The following RALYL variants were observed in gnomAD, a reference collection of about 807,000 sequenced individuals.
RALYL encodes RNA-binding Raly-like protein.
Under a neutral mutation model 35.1 loss-of-function variants are expected in RALYL, and 29 were observed. That is an observed-to-expected ratio of 0.83 (90% CI 0.61 to 1.13). The LOEUF is 1.13. RALYL is among the 50% of genes most tolerant of loss of function. RALYL has a pLI of 0.00. For synonymous variants in RALYL, 120 were observed against 127.6 expected, an observed-to-expected ratio of 0.94 and a Z score of 0.40; for missense variants, 359 against 360.4, an observed-to-expected ratio of 1.00 and a Z score of 0.03.
At chr8:84,617,291 T>C (rs1409123931) in intron 2 of RALYL, among the ~76,000 whole-genome samples, 1 of 151,784 alleles carries the variant, frequency 6.6e-6, no homozygotes, top group Admixed American at 6.5e-5. Flanking sequence ...GTAGTTCTCC[T>C]GCAAGAGGTC....
intron 2 of RALYL, among the ~76,000 whole-genome samples, chr8:84,547,681 G>GT (rs11402479): frequency 0.37 from 56,507 of 151,984 alleles, 10,610 homozygotes; most frequent in South Asian, 0.51. Flanking sequence ...ACTCAGCCAA[G>GT]TTTTTTCCTT....
chr8:84,612,198 A>G (rs1174090095), intron 2 of RALYL, among the ~76,000 whole-genome samples: 3 of 151,950 alleles, frequency 2.0e-5, no homozygotes, highest in African/African-American at 7.2e-5. Flanking sequence ...TTATTTCTTC[A>G]TAACTTCTGG....
intron 2 of RALYL, among the ~76,000 whole-genome samples, chr8:84,716,914 G>T (rs1843024339): frequency 6.6e-6 from 1 of 152,146 alleles, no homozygotes; most frequent in African/African-American, 2.4e-5. Flanking sequence ...CAAAATACAA[G>T]AAATTGTAGC....
At chr8:84,495,990 G>T (rs1310312052) in intron 1 of RALYL, among the ~76,000 whole-genome samples, 6 of 151,804 alleles carry the variant, frequency 4.0e-5, no homozygotes, top group Non-Finnish European at 7.4e-5. Context: ...TCTTTTATTT[G>T]TAAAATATTT....
chr8:84,766,391 C>T (rs117275438), intron 2 of RALYL, among the ~76,000 whole-genome samples: 110 of 151,920 alleles, frequency 7.2e-4, no homozygotes, highest in Middle Eastern at 3.4e-3. Flanking sequence ...ATTTGTTTCA[C>T]GATACCTAAT....
intron 4 of RALYL, among the ~76,000 whole-genome samples, chr8:84,833,476 A>G (rs7017762): frequency 0.4 from 59,982 of 151,486 alleles, 12,318 homozygotes; most frequent in East Asian, 0.63. Context: ...TGTCTCTACT[A>G]AAAATACAAA....
chr8:84,841,639 G>A (rs189357188), intron 4 of RALYL, among the ~76,000 whole-genome samples: 2 of 152,136 alleles, frequency 1.3e-5, no homozygotes, highest in African/African-American at 4.8e-5. Context: ...CTACAGAACT[G>A]TCTACCCCAA....
chr8:84,198,391 A>G (rs1815954072), intron 1 of RALYL, among the ~76,000 whole-genome samples: 1 of 152,042 alleles, frequency 6.6e-6, no homozygotes, highest in Non-Finnish European at 1.5e-5. Context: ...TGGGTACATG[A>G]TAGGTGTATC....
At chr8:84,263,397 A>G (rs2131838287) in intron 1 of RALYL, among the ~76,000 whole-genome samples, 1 of 152,268 alleles carries the variant, frequency 6.6e-6, no homozygotes, top group African/African-American at 2.4e-5. Flanking sequence ...AAAAATAGCA[A>G]GTTTCTATTA....
intron 2 of RALYL, among the ~76,000 whole-genome samples, chr8:84,758,104 A>G (rs1811859490): frequency 6.6e-6 from 1 of 152,184 alleles, no homozygotes; most frequent in African/African-American, 2.4e-5. Flanking sequence ...GTTTTTCTCA[A>G]CACTGAGGTT....
intron 1 of RALYL, among the ~76,000 whole-genome samples, chr8:84,258,487 T>C (rs1831609862): frequency 6.6e-6 from 1 of 152,072 alleles, no homozygotes; most frequent in South Asian, 2.1e-4. Context: ...CTTTTTTTTT[T>C]CTCACAAGTG....
At chr8:84,490,652 G>T (rs1048664567) in intron 1 of RALYL, among the ~76,000 whole-genome samples, 1 of 151,334 alleles carries the variant, frequency 6.6e-6, no homozygotes, top group African/African-American at 2.4e-5. Context: ...AAGGAAGTGG[G>T]CATTTCCAAG....
chr8:84,487,789 T>A (rs1374619426), intron 1 of RALYL, among the ~76,000 whole-genome samples: 1 of 152,084 alleles, frequency 6.6e-6, no homozygotes, highest in Non-Finnish European at 1.5e-5. Context: ...GAATTTGGTG[T>A]TAAAGTTTAC....
chr8:84,684,779 T>G (rs1179744848), intron 2 of RALYL, among the ~76,000 whole-genome samples: 1 of 152,192 alleles, frequency 6.6e-6, no homozygotes, highest in Non-Finnish European at 1.5e-5. Context: ...ATGCATACCT[T>G]ACATACATGT....
intron 1 of RALYL, among the ~76,000 whole-genome samples, chr8:84,377,821 T>C (rs1857232999): frequency 6.6e-6 from 1 of 151,866 alleles, no homozygotes; most frequent in African/African-American, 2.4e-5. Context: ...TCACTGACCT[T>C]AGGCTTAGCT....
chr8:84,612,928 C>A (rs911484204), intron 2 of RALYL, among the ~76,000 whole-genome samples: 4 of 151,598 alleles, frequency 2.6e-5, no homozygotes, highest in South Asian at 4.1e-4. Context: ...CCAGTAAATA[C>A]CACTTTAGTT....
At chr8:84,634,841 T>C (rs915636138) in intron 2 of RALYL, among the ~76,000 whole-genome samples, 10 of 151,850 alleles carry the variant, frequency 6.6e-5, no homozygotes, top group African/African-American at 2.4e-4. Context: ...ACTCATTCTA[T>C]TGATATCCAA....
intron 1 of RALYL, among the ~76,000 whole-genome samples, chr8:84,436,554 T>G (rs2047742838): frequency 1.4e-5 from 2 of 147,202 alleles, no homozygotes; most frequent in South Asian, 2.2e-4. Flanking sequence ...TTTTTTTTTT[T>G]TTTTTTTTTT....
chr8:84,205,128 C>T (rs1563528147), intron 1 of RALYL, among the ~76,000 whole-genome samples: 1 of 152,244 alleles, frequency 6.6e-6, no homozygotes, highest in Admixed American at 6.5e-5. Context: ...ATGGCCCTTT[C>T]GTTTTATATA....
Sources: gnomAD v4.1 joint callset for allele counts (sites outside exome capture counted in the v4.1 genomes callset) on GRCh38, gnomAD v4.1.1 for gene constraint, MANE v1.5 for transcripts, NCBI Gene and HGNC (gene_info 2026-07-23, HGNC 2026-07-21) for gene names.